The following USP9X variants were observed in gnomAD, a reference collection of about 807,000 sequenced individuals.
USP9X encodes ubiquitin specific peptidase 9 X-linked.
Under a neutral mutation model 190.3 loss-of-function variants are expected in USP9X, and 7 were observed. The observed-to-expected ratio is 0.04, with a 90% CI of 0.02 to 0.07. The LOEUF (loss-of-function observed/expected upper bound fraction) is 0.07, where lower values mean the gene tolerates loss of function less well. Ranked by LOEUF, USP9X falls within the 10% of genes least tolerant of loss-of-function variation. The pLI is 1.00. For synonymous variants in USP9X, 645 were observed against 659.5 expected, an observed-to-expected ratio of 0.98 and a Z score of 0.34; for missense variants, 1,010 against 1,916.9, an observed-to-expected ratio of 0.53 and a Z score of 8.83.
intron 4 of USP9X, 83 bp downstream of exon 4, chrX:41,131,619 T>G: frequency 1.1e-6 from 1 of 902,814 alleles, no homozygotes; most frequent in East Asian, 3.3e-5. Flanking sequence ...TGAAGTGGAT[T>G]TGTTTTCCTC....
rs374535240 is a variant in USP9X, at chrX:41,224,992, T to C, written c.6972+30T>C. ...AAGGAAAATAACATTTGTATGTTTATAATTTGATTTGTTATTCCTTTCATT... is the reference window on the plus strand; with the variant it reads ...AAGGAAAATAACATTTGTATGTTTACAATTTGATTTGTTATTCCTTTCATT... On this transcript the variant is annotated intron_variant, in intron 40 of 44. Coordinates refer to ENST00000378308, the MANE Select transcript of USP9X (RefSeq NM_001039591.3). 9.9e-6 allele frequency: 12 copies of C among 1,207,549 alleles called. No homozygotes were observed. The African/African-American group carries it at 1.7e-4, about 18-fold the overall frequency.
chrX:41,109,374 TTATA>T (rs2062092432), intron 1 of USP9X, among the ~76,000 whole-genome samples: 1 of 112,032 alleles, frequency 8.9e-6, no homozygotes, highest in Admixed American at 9.5e-5. Context: ...ATGCTGAAGT[TTATA>T]TGTATGTAAA....
chrX:41,104,366 C>T (rs1389333340), intron 1 of USP9X, among the ~76,000 whole-genome samples: 6 of 112,307 alleles, frequency 5.3e-5, no homozygotes, highest in African/African-American at 1.9e-4. Context: ...CCACTTCACA[C>T]GGCCTATACC....
chrX:41,120,706 G>A (rs1166953594), intron 1 of USP9X, among the ~76,000 whole-genome samples: 2 of 110,730 alleles, frequency 1.8e-5, no homozygotes, highest in Admixed American at 1.9e-4. Context: ...CGCCATGTTA[G>A]CCAGGATGGT....
At chrX:41,090,304 TAAGGAAA>T (rs2061946066) in intron 1 of USP9X, among the ~76,000 whole-genome samples, 2 of 111,344 alleles carry the variant, frequency 1.8e-5, no homozygotes, top group African/African-American at 6.5e-5. Context: ...GTTGATGTAA[TAAGGAAA>T]AAGACTTAAA....
At position 41,156,565 on chromosome X, in the gene USP9X, C is replaced by T. The variant is rs377697877; in HGVS notation, c.1897+3484C>T. Reference sequence around the variant, plus strand: ...CTGATTATCCCCAACCTGGCTTGCTCACAGGGTGGACATTATATGTCAGGG... The same window carrying T: ...CTGATTATCCCCAACCTGGCTTGCTTACAGGGTGGACATTATATGTCAGGG... On this transcript the variant is annotated intron_variant, in intron 14 of 44. Coordinates refer to ENST00000378308, the MANE Select transcript of USP9X (RefSeq NM_001039591.3). 3.8e-4 allele frequency among the ~76,000 whole-genome samples: 43 copies of T among 112,069 alleles called. No individual in the cohort carries two copies. In the South Asian group the frequency reaches 8.5e-3, roughly 22 times the overall value.
chrX:41,157,027 C>T (rs2062584971), intron 14 of USP9X, among the ~76,000 whole-genome samples: 1 of 111,855 alleles, frequency 8.9e-6, no homozygotes, highest in Admixed American at 9.4e-5. Context: ...TTCACCTAAG[C>T]AGAAACAATC....
At chrX:41,169,935 G>T (rs767329666) in intron 18 of USP9X, 60 bp from the exon 19 acceptor site, 2 of 1,177,835 alleles carry the variant, frequency 1.7e-6, no homozygotes, top group African/African-American at 1.8e-5. Flanking sequence ...TTATTTTCTT[G>T]GCAACAAAAT....
intron 14 of USP9X, 106 bp downstream of exon 14, chrX:41,153,187 C>T (rs1330063003): frequency 1.2e-6 from 1 of 836,734 alleles, no homozygotes; most frequent in Non-Finnish European, 1.6e-6. Context: ...TTAAGATCCA[C>T]TATTACTCCC....
In USP9X at chrX:41,196,648, C is replaced by T; in HGVS notation, c.4143C>T (p.His1381=). 8.3e-7 allele frequency: 1 copy of T among 1,203,761 alleles called. No homozygotes were observed. The highest frequency in any genetic ancestry group is 1.1e-6 in the Non-Finnish European group (1 of 889,542). Residue 1381 remains histidine, a synonymous_variant, in exon 28 of 45, where the codon CAC becomes CAT. Coordinates refer to ENST00000378308, the MANE Select transcript of USP9X (RefSeq NM_001039591.3). ...GCGACTACTTTACTCTTTTAAGACACCTTCTTAATTACGCTTACAATAGTA... is the reference window on the plus strand; with the variant it reads ...GCGACTACTTTACTCTTTTAAGACATCTTCTTAATTACGCTTACAATAGTA... ...HSGDYFTLLR[H]LLNYAYNSNI...
chrX:41,167,157 G>A (rs1448582441), intron 16 of USP9X: 5 of 183,567 alleles, frequency 2.7e-5, no homozygotes, highest in Non-Finnish European at 4.9e-5. Flanking sequence ...CTTATTTCCT[G>A]TCAACTAATT....
chrX:41,168,766 G>T (rs1458532021), intron 18 of USP9X, among the ~76,000 whole-genome samples: 1 of 112,223 alleles, frequency 8.9e-6, no homozygotes, highest in Non-Finnish European at 1.9e-5. Context: ...AAAGTGCTGG[G>T]ATTATAGGCG....
Position 41,197,352 on chromosome X carries a change from C to CCCCCGGGGGGG in USP9X, c.4234-12_4234-11insCCCCGGGGGGG. The CCCCCGGGGGGG allele has an allele frequency of 2.0e-6, 2 of 988,172 alleles. No homozygotes were observed. The highest frequency in any genetic ancestry group is 2.6e-6 in the Non-Finnish European group (2 of 759,344). The allele number at this position is 988,172 out of a possible 1,213,427, so 81.4% of individuals were successfully genotyped here. ...TTCTTCCCCCCCCCACCCCACCCCC[C>CCCCCGGGGGGG]GCCTTTGGCAGGATGATGTTAAAAG... On this transcript the variant is annotated splice_polypyrimidine_tract_variant and intron_variant, in intron 28 of 44. Coordinates refer to ENST00000378308, the MANE Select transcript of USP9X (RefSeq NM_001039591.3).
chrX:41,099,483 A>G (rs1357181234), intron 1 of USP9X, among the ~76,000 whole-genome samples: 1 of 111,216 alleles, frequency 9.0e-6, no homozygotes, highest in Non-Finnish European at 1.9e-5. Context: ...TAGTATTATT[A>G]TCAGTCAGTG....
At chrX:41,135,025 G>A (rs957771454) in intron 5 of USP9X, among the ~76,000 whole-genome samples, 188 bp downstream of exon 5, 4 of 112,151 alleles carry the variant, frequency 3.6e-5, no homozygotes, top group African/African-American at 1.3e-4. Flanking sequence ...TTTAGAATAA[G>A]CATGAGATTT....
At chrX:41,135,008 A>G (rs1030868601) in intron 5 of USP9X, among the ~76,000 whole-genome samples, 171 bp downstream of exon 5, 1 of 112,319 alleles carries the variant, frequency 8.9e-6, no homozygotes, top group Non-Finnish European at 1.9e-5. Flanking sequence ...TGAAGGCCGC[A>G]TGGTCATTTA....
At chrX:41,197,543 A>G in intron 29 of USP9X, 33 bp downstream of exon 29, 2 of 1,156,748 alleles carry the variant, frequency 1.7e-6, no homozygotes, top group South Asian at 2.0e-5. Context: ...TAAGCTACAT[A>G]TCATAACCTT....
intron 1 of USP9X, among the ~76,000 whole-genome samples, chrX:41,101,365 G>A (rs2062032445): frequency 9.2e-6 from 1 of 108,983 alleles, no homozygotes; most frequent in African/African-American, 3.3e-5. Context: ...GGATCACGAG[G>A]TCAGGAGTTC....
intron 38 of USP9X, among the ~76,000 whole-genome samples, chrX:41,222,417 CA>C (rs2063272343): frequency 9.0e-6 from 1 of 111,337 alleles, no homozygotes; most frequent in Non-Finnish European, 1.9e-5. Flanking sequence ...ACCAAATTGG[CA>C]TGAGTTGAGG....
Sources: gnomAD v4.1 joint callset for allele counts (sites outside exome capture counted in the v4.1 genomes callset) on GRCh38, gnomAD v4.1.1 for gene constraint, MANE v1.5 for transcripts, NCBI Gene and HGNC (gene_info 2026-07-23, HGNC 2026-07-21) for gene names.